TPTE2: variants seen among roughly 807,000 people sequenced by gnomAD.
The protein encoded by TPTE2 is transmembrane phosphoinositide 3-phosphatase and tensin homolog 2, also known as phosphatidylinositol 3,4,5-trisphosphate 3-phosphatase TPTE2.
Under a neutral mutation model 78.6 loss-of-function variants are expected in TPTE2, and 53 were observed. That is an observed-to-expected ratio of 0.67 (90% CI 0.54 to 0.85). The LOEUF is 0.85. TPTE2 is among the 40% of genes least tolerant of loss of function. TPTE2 has a pLI of 0.00. For synonymous variants in TPTE2, 175 were observed against 206.2 expected, an observed-to-expected ratio of 0.85 and a Z score of 1.30; for missense variants, 461 against 623.0, an observed-to-expected ratio of 0.74 and a Z score of 2.77.
chr13:19,456,905 A>G (rs1243685921), intron 10 of TPTE2, among the ~76,000 whole-genome samples: 1 of 152,188 alleles, frequency 6.6e-6, no homozygotes, highest in East Asian at 1.9e-4. Flanking sequence ...AAGTTGGAGG[A>G]CTTATACACA....
At chr13:19,473,597 CTTT>C (rs34210025) in intron 6 of TPTE2, among the ~76,000 whole-genome samples, 1 of 129,130 alleles carries the variant, frequency 7.7e-6, no homozygotes, top group Non-Finnish European at 1.6e-5. Context: ...TTTTAAAATG[CTTT>C]TTTTTTTTTT....
At chr13:19,439,460 G>T (rs548377951) in intron 13 of TPTE2, among the ~76,000 whole-genome samples, 1 of 152,090 alleles carries the variant, frequency 6.6e-6, no homozygotes, top group South Asian at 2.1e-4. Context: ...GAAAGAAAAA[G>T]AAAAATCCTA....
At chr13:19,455,952 G>A (rs531022488) in intron 10 of TPTE2, among the ~76,000 whole-genome samples, 3 of 152,108 alleles carry the variant, frequency 2.0e-5, no homozygotes, top group African/African-American at 7.2e-5. Flanking sequence ...AGTGAAGCAT[G>A]AAATTCTTTC....
At chr13:19,561,486 C>G in the TPTE2 span, among the ~76,000 whole-genome samples, 1 of 152,134 alleles carries the variant, frequency 6.6e-6, no homozygotes, top group Non-Finnish European at 1.5e-5. Context: ...CCGACGCCCG[C>G]GGGAGACCGC....
At chr13:19,551,433 T>C in the TPTE2 span, among the ~76,000 whole-genome samples, 1 of 151,770 alleles carries the variant, frequency 6.6e-6, no homozygotes, top group African/African-American at 2.4e-5. Context: ...CTACTAAAAA[T>C]ACAAAAATTA....
chr13:19,439,133 T>C (rs1015862975), intron 13 of TPTE2, among the ~76,000 whole-genome samples: 148 of 152,238 alleles, frequency 9.7e-4, no homozygotes, highest in Non-Finnish European at 1.4e-3. Context: ...CCAATCCCCC[T>C]ACCCCTAGGG....
At chr13:19,423,477 G>A (rs1180984745) in intron 19 of TPTE2, among the ~76,000 whole-genome samples, 1 of 152,186 alleles carries the variant, frequency 6.6e-6, no homozygotes, top group Non-Finnish European at 1.5e-5. Context: ...AGACATGAAT[G>A]AAAACCCAGG....
exon 13 of TPTE2, chr13:19,450,127 T>C: frequency 3.1e-6 from 5 of 1,611,440 alleles, no homozygotes; most frequent in Non-Finnish European, 4.2e-6. Flanking sequence ...TCTTGAGCCA[T>C]CCACTCATTT....
At chr13:19,477,815 A>T (rs1880066397) in intron 4 of TPTE2, among the ~76,000 whole-genome samples, 1 of 152,260 alleles carries the variant, frequency 6.6e-6, no homozygotes, top group Admixed American at 6.5e-5. Context: ...TGCAGCTTCA[A>T]GCAGTTATGT....
chr13:19,485,038 G>A (rs1219699685), intron 3 of TPTE2, among the ~76,000 whole-genome samples: 1 of 152,062 alleles, frequency 6.6e-6, no homozygotes, highest in Non-Finnish European at 1.5e-5. Context: ...TGGTTGTTTT[G>A]TATATGTTTT....
intron 13 of TPTE2, among the ~76,000 whole-genome samples, chr13:19,448,692 C>A (rs547123473): frequency 6.6e-6 from 1 of 152,008 alleles, no homozygotes; most frequent in Non-Finnish European, 1.5e-5. Flanking sequence ...GAAAAGGGAC[C>A]CTCCCTTGTA....
chr13:19,545,503 GACAGCC>G, the TPTE2 span, among the ~76,000 whole-genome samples: 1 of 152,182 alleles, frequency 6.6e-6, no homozygotes, highest in Admixed American at 6.5e-5. Flanking sequence ...TGAATGGTGA[GACAGCC>G]CCCTCACCCC....
intron 17 of TPTE2, among the ~76,000 whole-genome samples, chr13:19,427,087 T>TC (rs1243428504): frequency 1.6e-5 from 2 of 127,232 alleles, no homozygotes; most frequent in East Asian, 2.1e-4. Flanking sequence ...TTCTTTTTTT[T>TC]TTTTTTTTTT....
At chr13:19,441,765 T>A (rs1242036550) in intron 13 of TPTE2, among the ~76,000 whole-genome samples, 1 of 152,220 alleles carries the variant, frequency 6.6e-6, no homozygotes, top group Non-Finnish European at 1.5e-5. Flanking sequence ...ATGCCCTCTC[T>A]TCACTGTTTC....
At chr13:19,536,135 C>G (rs1249537916) in intron 1 of TPTE2, among the ~76,000 whole-genome samples, 2 of 151,974 alleles carry the variant, frequency 1.3e-5, no homozygotes, top group African/African-American at 4.8e-5. Context: ...TCTTTTCATT[C>G]TAGATAACAT....
chr13:19,514,592 AGTGTGTGTGTGTGTGTGTGTGTGT>A (rs151110694), intron 1 of TPTE2, among the ~76,000 whole-genome samples: 1 of 126,708 alleles, frequency 7.9e-6, no homozygotes, highest in Non-Finnish European at 1.7e-5. Context: ...TACTTCTGAG[AGTGTGTGTGTGTGTGTGTGTGTGT>A]GTGTGTGTGT....
chr13:19,544,084 C>CA, the TPTE2 span, among the ~76,000 whole-genome samples: 1 of 37,904 alleles, frequency 2.6e-5, no homozygotes, highest in Admixed American at 3.0e-4. Flanking sequence ...AAAAAAAAAG[C>CA]CAAGAAAAGA....
chr13:19,475,502 A>G, intron 5 of TPTE2, 71 bp downstream of exon 8: 5 of 1,552,506 alleles, frequency 3.2e-6, no homozygotes, highest in African/African-American at 1.4e-5. Flanking sequence ...CTGGGATTAC[A>G]GGCGTGAGCC....
chr13:19,465,339 T>G (rs1262000627), intron 8 of TPTE2, 21 bp from the exon 12 acceptor site: 1 of 1,613,710 alleles, frequency 6.2e-7, no homozygotes, highest in African/African-American at 1.3e-5. Context: ...AAAATCATCA[T>G]TAGTTTGTGA....
Sources: gnomAD v4.1 joint callset for allele counts (sites outside exome capture counted in the v4.1 genomes callset) on GRCh38, gnomAD v4.1.1 for gene constraint, MANE v1.5 for transcripts, NCBI Gene and HGNC (gene_info 2026-07-23, HGNC 2026-07-21) for gene names.